The following GRIP1 variants were observed in gnomAD, a reference collection of about 807,000 sequenced individuals.
The protein encoded by GRIP1 is glutamate receptor interacting protein 1.
Under a neutral mutation model 129.9 loss-of-function variants are expected in GRIP1, and 45 were observed. That is an observed-to-expected ratio of 0.35 (90% CI 0.27 to 0.44). The LOEUF is 0.44. GRIP1 is among the 20% of genes least tolerant of loss of function. The pLI is 1.00. For missense variants in GRIP1, 1,196 were observed against 1,396.8 expected, an observed-to-expected ratio of 0.86 and a Z score of 2.29; for synonymous variants, 530 against 520.8, an observed-to-expected ratio of 1.02 and a Z score of -0.24.
At chr12:66,813,346 A>T (rs909878818) in intron 1 of GRIP1, among the ~76,000 whole-genome samples, 4 of 152,194 alleles carry the variant, frequency 2.6e-5, no homozygotes, top group Non-Finnish European at 5.9e-5. Context: ...CATTCAAGAG[A>T]GATCTGCACC....
intron 4 of GRIP1, among the ~76,000 whole-genome samples, chr12:66,533,880 TACA>T (rs2061530659): frequency 2.6e-4 from 33 of 128,770 alleles, no homozygotes; most frequent in African/African-American, 8.5e-4. Context: ...CACACACACA[TACA>T]CACACTCTCT....
At chr12:66,874,292 CACA>C (rs1434894582) in intron 1 of GRIP1, among the ~76,000 whole-genome samples, 1 of 152,170 alleles carries the variant, frequency 6.6e-6, no homozygotes, top group African/African-American at 2.4e-5. Flanking sequence ...ATAATTGTTG[CACA>C]ACAAGTGTCT....
At chr12:66,435,089 G>C (rs537956643) in intron 13 of GRIP1, among the ~76,000 whole-genome samples, 1 of 152,170 alleles carries the variant, frequency 6.6e-6, no homozygotes, top group Admixed American at 6.5e-5. Flanking sequence ...AAGTGTTTAC[G>C]GGCATAGCAG....
chr12:66,597,126 AAG>A (rs2139762548), intron 1 of GRIP1, among the ~76,000 whole-genome samples, 199 bp from the exon 2 acceptor site: 1 of 152,326 alleles, frequency 6.6e-6, no homozygotes, highest in African/African-American at 2.4e-5. Context: ...TCCCCTATAA[AAG>A]AGAGATAAAA....
At position 66,960,073 on chromosome 12, in the gene GRIP1, G is replaced by T. The variant is rs576162677; in HGVS notation, c.58+108977C>A. Among the ~76,000 whole-genome samples, 30 of 152,254 alleles carry T rather than the reference G, an allele frequency of 2.0e-4. No individual in the cohort carries two copies. The Middle Eastern group carries it at 0.01, about 52-fold the overall frequency. On this transcript the variant is annotated intron_variant, in intron 1 of 1. Coordinates refer to the GRIP1 transcript ENST00000643019. ...GGTATGTTTAGGAAACAGAAGGAAG[G>T]TAAGTAGCCACATCACATAGATTAT...
intron 1 of GRIP1, among the ~76,000 whole-genome samples, chr12:66,795,549 A>G (rs1461847807): frequency 6.6e-6 from 1 of 152,202 alleles, no homozygotes; most frequent in African/African-American, 2.4e-5. Flanking sequence ...TTCATCTTAC[A>G]TTAAATTTAT....
chr12:66,553,033 T>C (rs2062195143), intron 2 of GRIP1, among the ~76,000 whole-genome samples: 1 of 152,162 alleles, frequency 6.6e-6, no homozygotes, highest in Non-Finnish European at 1.5e-5. Context: ...TGTATTTGGC[T>C]TTCTCTATCC....
At chr12:66,911,779 T>A (rs925151572) in intron 1 of GRIP1, among the ~76,000 whole-genome samples, 1 of 152,224 alleles carries the variant, frequency 6.6e-6, no homozygotes, top group African/African-American at 2.4e-5. Context: ...ATTTTACTGA[T>A]GTTACTTTGT....
intron 1 of GRIP1, among the ~76,000 whole-genome samples, chr12:67,003,086 C>T (rs887849942): frequency 6.6e-6 from 1 of 152,058 alleles, no homozygotes; most frequent in Admixed American, 6.6e-5. Context: ...CTCCTGAGCA[C>T]TAAAATCCTA....
intron 1 of GRIP1, among the ~76,000 whole-genome samples, chr12:66,888,820 C>T (rs1433781355): frequency 6.6e-6 from 1 of 151,920 alleles, no homozygotes; most frequent in Non-Finnish European, 1.5e-5. Flanking sequence ...TTGCTATCAT[C>T]AAATGTGAAA....
intron 1 of GRIP1, among the ~76,000 whole-genome samples, chr12:66,846,523 C>T (rs188004993): frequency 1.1e-4 from 17 of 152,248 alleles, no homozygotes; most frequent in African/African-American, 3.6e-4. Context: ...ATAGGCTTTA[C>T]GATTATTTAG....
At chr12:67,023,845 A>G (rs1205733051) in intron 1 of GRIP1, among the ~76,000 whole-genome samples, 1 of 152,130 alleles carries the variant, frequency 6.6e-6, no homozygotes, top group African/African-American at 2.4e-5. Flanking sequence ...TCCTGCCAGT[A>G]TATGTTTCCA....
Position 67,056,903 on chromosome 12 carries a change from C to T in GRIP1, c.58+12147G>A, listed in dbSNP as rs146570271. Among the ~76,000 whole-genome samples the T allele has an allele frequency of 5.3e-3, 812 of 152,172 alleles. 3 individuals carry two copies. Among genetic ancestry groups the T allele is most frequent in the African/African-American group, 0.019 (769 of 41,524 alleles). On this transcript the variant is annotated intron_variant, in intron 1 of 1. Transcript: ENST00000643019. ...TCGGCTCACTGCAACCTCCGCCTCC[C>T]GGGTTCAAGCGATTCTCCTGCCTCA...
At chr12:66,695,550 G>A (rs716226) in intron 1 of GRIP1, among the ~76,000 whole-genome samples, 21,857 of 152,116 alleles carry the variant, frequency 0.14, 1,729 homozygotes, top group Non-Finnish European at 0.17. Flanking sequence ...GCCCTTGCTA[G>A]GCAGGTAGGA....
chr12:66,418,330 A>G, intron 15 of GRIP1, among the ~76,000 whole-genome samples: 1 of 152,224 alleles, frequency 6.6e-6, no homozygotes, highest in East Asian at 1.9e-4. Context: ...TCAAACTATG[A>G]CACTACCACA....
intron 1 of GRIP1, among the ~76,000 whole-genome samples, chr12:66,635,374 T>G (rs1009048112): frequency 6.6e-6 from 1 of 151,506 alleles, no homozygotes; most frequent in African/African-American, 2.4e-5. Flanking sequence ...CAGCAAACTG[T>G]GATCATACCA....
At chr12:67,047,673 C>G (rs370117090) in intron 1 of GRIP1, among the ~76,000 whole-genome samples, 1 of 152,140 alleles carries the variant, frequency 6.6e-6, no homozygotes, top group Non-Finnish European at 1.5e-5. Flanking sequence ...ACCCCATTAC[C>G]GAAGCACTGC....
intron 1 of GRIP1, among the ~76,000 whole-genome samples, chr12:66,856,374 G>T (rs2040004066): frequency 2.6e-5 from 4 of 152,190 alleles, no homozygotes; most frequent in African/African-American, 2.4e-5. Flanking sequence ...TGACAAATGG[G>T]ATCTAATTAA....
At chr12:66,419,572 A>G (rs2057731755) in intron 15 of GRIP1, among the ~76,000 whole-genome samples, 1 of 152,212 alleles carries the variant, frequency 6.6e-6, no homozygotes, top group South Asian at 2.1e-4. Flanking sequence ...ATAAGTATAT[A>G]TACCAACTAT....
Sources: allele counts gnomAD v4.1 joint callset (sites outside exome capture counted in the v4.1 genomes callset), GRCh38; gene constraint gnomAD v4.1.1; transcripts MANE v1.5; gene names NCBI Gene and HGNC (gene_info 2026-07-23, HGNC 2026-07-21).